PTK2: variants seen among roughly 807,000 people sequenced by gnomAD.
The protein encoded by PTK2 is protein tyrosine kinase 2, also known as focal adhesion kinase 1.
Under a neutral mutation model 150.1 loss-of-function variants are expected in PTK2, and 45 were observed. The ratio of observed to expected loss-of-function variants is 0.30; its 90% CI spans 0.24 to 0.38. PTK2 has a LOEUF of 0.38. Among genes scored for constraint, PTK2 ranks in the 10% least tolerant of loss-of-function variants. The probability of loss-of-function intolerance (pLI) is 1.00; values close to 1 mark genes in which losing one functional copy is unlikely to be tolerated. For missense variants in PTK2, 919 were observed against 1,307.3 expected, an observed-to-expected ratio of 0.70 and a Z score of 4.58; for synonymous variants, 432 against 449.2, an observed-to-expected ratio of 0.96 and a Z score of 0.48.
chr8:140,873,240 T>TG (rs2100143571), intron 4 of PTK2, among the ~76,000 whole-genome samples: 1 of 152,214 alleles, frequency 6.6e-6, no homozygotes, highest in Non-Finnish European at 1.5e-5. Flanking sequence ...TCCCTAGCAG[T>TG]GCAGGTAAAA....
At chr8:140,662,592 C>A (rs943345591) in intron 31 of PTK2, 6 of 438,194 alleles carry the variant, frequency 1.4e-5, no homozygotes, top group African/African-American at 7.9e-5. Context: ...GCACCAGTCA[C>A]AGGCCTTCTC....
chr8:140,894,914 G>T (rs898736227), intron 2 of PTK2, among the ~76,000 whole-genome samples: 1 of 152,166 alleles, frequency 6.6e-6, no homozygotes, highest in Non-Finnish European at 1.5e-5. Flanking sequence ...CATAGAAACT[G>T]ACACTATACC....
chr8:140,854,029 C>T (rs2100130998), intron 5 of PTK2, among the ~76,000 whole-genome samples: 1 of 152,094 alleles, frequency 6.6e-6, no homozygotes. Context: ...AGGAAGGTGA[C>T]CAATAAGAAA....
At chr8:140,766,959 C>T (rs2100072647) in intron 14 of PTK2, among the ~76,000 whole-genome samples, 1 of 152,174 alleles carries the variant, frequency 6.6e-6, no homozygotes, top group Non-Finnish European at 1.5e-5. Context: ...CATCAAGCAA[C>T]AGTAACTCCT....
At chr8:140,930,794 C>T (rs1443285211) in intron 1 of PTK2, among the ~76,000 whole-genome samples, 1 of 152,064 alleles carries the variant, frequency 6.6e-6, no homozygotes, top group Non-Finnish European at 1.5e-5. Flanking sequence ...AAAATACAGG[C>T]CAGGAGCAGT....
intron 20 of PTK2, among the ~76,000 whole-genome samples, 177 bp downstream of exon 23, chr8:140,743,053 T>G (rs1253059601): frequency 6.6e-6 from 1 of 152,220 alleles, no homozygotes; most frequent in Non-Finnish European, 1.5e-5. Flanking sequence ...TGAGGTCTAT[T>G]TTTTGCCTAA....
At chr8:140,711,334 T>G (rs1335305247) in intron 23 of PTK2, among the ~76,000 whole-genome samples, 1 of 152,186 alleles carries the variant, frequency 6.6e-6, no homozygotes, top group Admixed American at 6.5e-5. Flanking sequence ...CTCGAACTAC[T>G]GGCCTCAAGT....
intron 24 of PTK2, among the ~76,000 whole-genome samples, chr8:140,704,798 T>C (rs142323783): frequency 3.3e-5 from 5 of 152,220 alleles, no homozygotes; most frequent in Non-Finnish European, 7.4e-5. Context: ...CTTATGGAAA[T>C]GGTAGTAATC....
At chr8:140,973,522 A>G (rs1244373212) in intron 1 of PTK2, among the ~76,000 whole-genome samples, 1 of 152,182 alleles carries the variant, frequency 6.6e-6, no homozygotes, top group Non-Finnish European at 1.5e-5. Flanking sequence ...AGCAGCAGAA[A>G]AGTTTGCTTT....
intron 1 of PTK2, among the ~76,000 whole-genome samples, chr8:140,947,364 G>A (rs963153528): frequency 6.6e-6 from 1 of 152,150 alleles, no homozygotes; most frequent in African/African-American, 2.4e-5. Context: ...AATAAATGAG[G>A]AAACTGAGGA....
At chr8:140,849,490 A>G (rs1408162785) in intron 5 of PTK2, among the ~76,000 whole-genome samples, 1 of 152,216 alleles carries the variant, frequency 6.6e-6, no homozygotes, top group Non-Finnish European at 1.5e-5. Context: ...CATTTGTGAA[A>G]CCAAACTGAT....
intron 4 of PTK2, among the ~76,000 whole-genome samples, chr8:140,871,108 T>C (rs919504452): frequency 3.3e-5 from 5 of 152,178 alleles, no homozygotes; most frequent in African/African-American, 9.7e-5. Context: ...CATGCTGTCA[T>C]GTTATGGACA....
At chr8:140,957,902 C>T (rs1002419430) in intron 1 of PTK2, among the ~76,000 whole-genome samples, 1 of 152,128 alleles carries the variant, frequency 6.6e-6, no homozygotes, top group African/African-American at 2.4e-5. Context: ...AATGCATTTC[C>T]TGTCGTTAAG....
At chr8:140,922,031 CA>C (rs33952341) in intron 2 of PTK2, among the ~76,000 whole-genome samples, 53,859 of 151,984 alleles carry the variant, frequency 0.35, 11,616 homozygotes, top group Non-Finnish European at 0.48. Context: ...GTTAGTAGTA[CA>C]TTTGTATAAA....
At chr8:140,799,840 G>A (rs2100093890) in intron 12 of PTK2, among the ~76,000 whole-genome samples, 1 of 152,164 alleles carries the variant, frequency 6.6e-6, no homozygotes, top group Non-Finnish European at 1.5e-5. Context: ...CCCAAACTCA[G>A]TCTTTCCCTG....
intron 5 of PTK2, among the ~76,000 whole-genome samples, chr8:140,851,277 A>C (rs1234101275): frequency 6.6e-6 from 1 of 152,212 alleles, no homozygotes; most frequent in Non-Finnish European, 1.5e-5. Context: ...CGCTACCTTA[A>C]TGAGTTATAT....
At chr8:140,688,100 G>A (rs1467074899) in intron 26 of PTK2, among the ~76,000 whole-genome samples, 2 of 152,112 alleles carry the variant, frequency 1.3e-5, no homozygotes, top group East Asian at 1.9e-4. Flanking sequence ...GCAGATTTTG[G>A]ATCACTTATG....
At chr8:140,780,093 A>G (rs921099878) in intron 14 of PTK2, among the ~76,000 whole-genome samples, 1 of 152,226 alleles carries the variant, frequency 6.6e-6, no homozygotes, top group Non-Finnish European at 1.5e-5. Flanking sequence ...AGAAAAAGGC[A>G]GTTCCTGTCT....
At chr8:140,905,888 A>G (rs1172143202) in intron 2 of PTK2, among the ~76,000 whole-genome samples, 1 of 152,176 alleles carries the variant, frequency 6.6e-6, no homozygotes, top group African/African-American at 2.4e-5. Flanking sequence ...ACTACATGGA[A>G]ACTGAACAAC....
Sources: allele counts gnomAD v4.1 joint callset (sites outside exome capture counted in the v4.1 genomes callset), GRCh38; gene constraint gnomAD v4.1.1; transcripts MANE v1.5; gene names NCBI Gene and HGNC (gene_info 2026-07-23, HGNC 2026-07-21).